TUBE1: variants seen among roughly 807,000 people sequenced by gnomAD.
TUBE1 encodes the protein tubulin epsilon chain.
TUBE1 carries 34 observed loss-of-function variants against 53.5 expected under a neutral mutation model. That is an observed-to-expected ratio of 0.64 (90% CI 0.48 to 0.85). TUBE1 has a LOEUF of 0.85. TUBE1 is among the 40% of genes least tolerant of loss of function. TUBE1 has a pLI of 0.00. For synonymous variants in TUBE1, 177 were observed against 198.4 expected (o/e 0.89, Z 0.91); for missense variants, 532 against 570.5 (o/e 0.93, Z 0.69).
chr6:112,086,743 C>T, intron 2 of TUBE1, 135 bp from the exon 3 acceptor site: 1 of 607,262 alleles, frequency 1.6e-6, no homozygotes, highest in Non-Finnish European at 2.8e-6. Context: ...TCACAAAATG[C>T]GGAGCCTGAC....
At chr6:112,072,150 A>C in intron 10 of TUBE1, 74 bp from the exon 11 acceptor site, 1 of 1,144,686 alleles carries the variant, frequency 8.7e-7, no homozygotes, top group South Asian at 1.5e-5. Flanking sequence ...ATGGCAGCTC[A>C]TATTAGTTAA....
intron 11 of TUBE1, 127 bp downstream of exon 11, chr6:112,071,775 C>T (rs1728122444): frequency 4.0e-6 from 4 of 1,006,232 alleles, no homozygotes; most frequent in Non-Finnish European, 5.6e-6. Context: ...CTCTCCTCTT[C>T]AGTTATAATC....
At chr6:112,073,390 T>A (rs187703268) in intron 9 of TUBE1, among the ~76,000 whole-genome samples, 1 of 152,294 alleles carries the variant, frequency 6.6e-6, no homozygotes, top group African/African-American at 2.4e-5. Context: ...CTATAAAAGA[T>A]GAAACTCCAT....
intron 4 of TUBE1, among the ~76,000 whole-genome samples, chr6:112,083,200 T>C (rs587702796): frequency 1.3e-5 from 2 of 152,058 alleles, no homozygotes; most frequent in East Asian, 3.9e-4. Flanking sequence ...AATTTTGTTT[T>C]CCAAGGACAT....
At position 112,071,377 on chromosome 6, in the gene TUBE1, GTGAA is replaced by G. The variant is rs1776855520; in HGVS notation, c.*31_*34del. On this transcript the variant is annotated 3_prime_UTR_variant, in exon 12 of 12. Transcript: ENST00000368662. ...AAACAGAAAGGTCAGAAAAAACAATGTGAAATTAAGAAAGTATTTTTGAGGGTTT... is the reference window on the plus strand; with the variant it reads ...AAACAGAAAGGTCAGAAAAAACAATGATTAAGAAAGTATTTTTGAGGGTTT... 6.9e-7 allele frequency: 1 copy of G among 1,441,088 alleles called. No homozygotes were observed. Among genetic ancestry groups the G allele is most frequent in the African/African-American group, 1.4e-5 (1 of 70,958 alleles). 89.3% of individuals were successfully genotyped at this position (1,441,088 alleles called of 1,614,324 possible).
intron 2 of TUBE1, chr6:112,086,975 C>T: frequency 1.9e-6 from 1 of 536,124 alleles, no homozygotes. Flanking sequence ...ATATACAAAT[C>T]TCACTGTTCT....
chr6:112,076,425 T>C lies in TUBE1; in HGVS notation c.533A>G (p.Tyr178Cys). Residue 178 changes from tyrosine (Y) to cysteine (C), a missense_variant, in exon 7 of 12, where the codon TAT becomes TGT. Physicochemically the swap from Tyr to Cys is radical, Grantham distance 194 (BLOSUM62 -2). Transcript: ENST00000368662. ...TATGACATCATCCTCACCAGAAGGATAAATGGAAGTCACAAATCTGTATAC... is the reference window on the plus strand; with the variant it reads ...TATGACATCATCCTCACCAGAAGGACAAATGGAAGTCACAAATCTGTATAC... Reference protein sequence around the residue: ...PEVYRFVTSIYPSGEDDVITS... With the variant: ...PEVYRFVTSICPSGEDDVITS... 1.2e-6 allele frequency: 2 copies of C among 1,613,620 alleles called. No individual in the cohort carries two copies. The highest frequency in any genetic ancestry group is 1.7e-6 in the Non-Finnish European group (2 of 1,179,826).
rs1554316468 is a variant in TUBE1, at chr6:112,079,618, A to C, written c.448+15T>G. On this transcript the variant is annotated intron_variant, in intron 6 of 11. Transcript: ENST00000368662. Reference sequence around the variant, plus strand: ...CCTTTAACACTGTTACAGGCAAATGAGTGAAAAATTTTACCTCCTCCCATG... The same window carrying C: ...CCTTTAACACTGTTACAGGCAAATGCGTGAAAAATTTTACCTCCTCCCATG... 1 of 1,611,016 alleles carries C rather than the reference A, an allele frequency of 6.2e-7. No homozygotes were observed. Among genetic ancestry groups the C allele is most frequent in the Admixed American group, 1.7e-5 (1 of 59,574 alleles).
chr6:112,078,782 G>A (rs587673560), intron 6 of TUBE1: 7 of 152,018 alleles, frequency 4.6e-5, no homozygotes, highest in South Asian at 2.1e-4. Context: ...TTTCTTAACC[G>A]ATGATTATGA....
intron 11 of TUBE1, 108 bp from the exon 12 acceptor site, chr6:112,071,678 A>G (rs1204778231): frequency 9.5e-7 from 1 of 1,047,832 alleles, no homozygotes; most frequent in African/African-American, 1.6e-5. Flanking sequence ...ATTCAGCTCT[A>G]CATTTGAAAG....
Position 112,086,602 on chromosome 6 carries a change from T to A in TUBE1, c.106A>T (p.Ile36Phe), listed in dbSNP as rs782291072. The A allele has an allele frequency of 1.6e-5, 25 of 1,611,124 alleles. 1 individual carries two copies. Among genetic ancestry groups the A allele is most frequent in the Admixed American group, 3.3e-5 (2 of 59,880 alleles). The part of the protein sequence containing the change: ...REHAAVNQKG[I>F]YDEAISSFFR... ...AAGCTGCTTATTGCCTCATCATAAA[T>A]TCCTTTCTAAAAAGAAAAACATATG... The change falls in exon 3 of 12, where the codon ATT becomes TTT. Residue 36 changes from isoleucine to phenylalanine, a missense_variant. By Grantham distance (21) the Ile-to-Phe change is conservative. Coordinates refer to ENST00000368662, the MANE Select transcript of TUBE1 (RefSeq NM_016262.5).
Position 112,074,777 on chromosome 6 carries a change from G to A in TUBE1, c.886C>T (p.Leu296Phe). 3 of 1,607,788 alleles carry A rather than the reference G, an allele frequency of 1.9e-6. No homozygotes were observed. The highest frequency in any genetic ancestry group is 2.5e-6 in the Non-Finnish European group (3 of 1,177,110). The change falls in exon 9 of 12, where the codon CTT (leucine) becomes TTT (phenylalanine). Residue 296 changes from leucine to phenylalanine, a missense_variant. Leu to Phe is a conservative substitution (Grantham distance 22). Transcript: ENST00000368662. ...ISMNLVPFPQLHYLVSSLTPL... is the reference protein window; with the variant it reads ...ISMNLVPFPQFHYLVSSLTPL... ...GTTAGGCTTGACACGAGATAATGAAGTTGAGGAAAAGGAACTAAATTCATG... is the reference window on the plus strand; with the variant it reads ...GTTAGGCTTGACACGAGATAATGAAATTGAGGAAAAGGAACTAAATTCATG...
intron 6 of TUBE1, chr6:112,079,430 A>AG: frequency 7.0e-6 from 3 of 427,850 alleles, no homozygotes; most frequent in Non-Finnish European, 1.2e-5. Flanking sequence ...TTAAAAAAAA[A>AG]AAAAAAGAAA....
At chr6:112,083,761 A>T (rs1439586985) in intron 4 of TUBE1, among the ~76,000 whole-genome samples, 2 of 152,360 alleles carry the variant, frequency 1.3e-5, no homozygotes, top group East Asian at 3.9e-4. Context: ...ATGGGCTAAG[A>T]ACCTGAAGTA....
In TUBE1 at chr6:112,072,013, G is replaced by T. The variant is rs267600764; in HGVS notation, c.1158C>A (p.Ser386=). The part of the protein sequence containing the change: ...NQEGWKTSLC[S]VPPVGHSHSL... ...AATGAGAATGGCCCACAGGAGGTAC[G>T]GAACACAGGCTGGTCTTCCAGCCTT... The change falls in exon 11 of 12, where the codon TCC becomes TCA. Residue 386 remains serine, a synonymous_variant. Coordinates refer to ENST00000368662, the MANE Select transcript of TUBE1 (RefSeq NM_016262.5). The T allele has an allele frequency of 1.2e-6, 2 of 1,612,744 alleles. No homozygotes were observed. The highest frequency in any genetic ancestry group is 1.7e-6 in the Non-Finnish European group (2 of 1,179,394).
chr6:112,072,986 G>T (rs781948499), intron 9 of TUBE1, 88 bp from the exon 10 acceptor site: 446 of 1,177,228 alleles, frequency 3.8e-4, no homozygotes, highest in Non-Finnish European at 4.9e-4. Flanking sequence ...CTATAAGTAA[G>T]AAACCACACT....
At chr6:112,086,688 A>T in intron 2 of TUBE1, 80 bp from the exon 3 acceptor site, 6 of 902,034 alleles carry the variant, frequency 6.7e-6, no homozygotes, top group Non-Finnish European at 1.1e-5. Context: ...TAATTACATA[A>T]TACTGTAATG....
Position 112,071,507 on chromosome 6 carries a change from A to C in TUBE1, c.1333T>G (p.Ser445Ala). The C allele has an allele frequency of 1.9e-6, 3 of 1,612,604 alleles. No homozygotes were observed. The highest frequency in any genetic ancestry group is 2.5e-6 in the Non-Finnish European group (3 of 1,179,116). ...TCCTGTATGAGTGCTGATAAAGATGACACAGCTTCTGTGAAACAGCTTTCT... is the reference window on the plus strand; with the variant it reads ...TCCTGTATGAGTGCTGATAAAGATGCCACAGCTTCTGTGAAACAGCTTTCT... ...MEESCFTEAV[S>A]SLSALIQEYD... is the part of the protein sequence containing the mutation. The change falls in exon 12 of 12, where the codon TCA (serine) becomes GCA (alanine). Residue 445 changes from serine to alanine, a missense_variant. Coordinates refer to ENST00000368662, the MANE Select transcript of TUBE1 (RefSeq NM_016262.5).
Position 112,081,158 on chromosome 6 carries a change from C to T in TUBE1, c.260G>A (p.Gly87Glu). Residue 87 changes from glycine to glutamate, a missense_variant, in exon 5 of 12, where the codon GGA (glycine) becomes GAA (glutamate). Physicochemically the swap from Gly to Glu is moderately conservative, Grantham distance 98 (BLOSUM62 -2). Coordinates refer to ENST00000368662, the MANE Select transcript of TUBE1 (RefSeq NM_016262.5). ...EEGVVNEILQ[G>E]PLRDVFDTKQ... Reference sequence around the variant, plus strand: ...CGTATCAAATACATCTCTCAGTGGTCCCTGCAGAATTTCATTCACTACCCC... The same window carrying T: ...CGTATCAAATACATCTCTCAGTGGTTCCTGCAGAATTTCATTCACTACCCC... The T allele has an allele frequency of 3.1e-6, 5 of 1,609,708 alleles. No individual in the cohort carries two copies. The highest frequency in any genetic ancestry group is 4.2e-6 in the Non-Finnish European group (5 of 1,178,188).
Sources: gnomAD v4.1 joint callset for allele counts (sites outside exome capture counted in the v4.1 genomes callset) on GRCh38, gnomAD v4.1.1 for gene constraint, MANE v1.5 for transcripts, NCBI Gene and HGNC (gene_info 2026-07-23, HGNC 2026-07-21) for gene names.